The following WDR25 variants were observed in gnomAD, a reference collection of about 807,000 sequenced individuals.
The protein encoded by WDR25 is WD repeat-containing protein 25.
Under a neutral mutation model 47.7 loss-of-function variants are expected in WDR25, and 35 were observed. The ratio of observed to expected loss-of-function variants is 0.73; its 90% CI spans 0.56 to 0.97. The LOEUF (loss-of-function observed/expected upper bound fraction) is 0.97, where lower values mean the gene tolerates loss of function less well. Ranked by LOEUF, WDR25 falls within the 50% of genes least tolerant of loss-of-function variation. The probability of loss-of-function intolerance (pLI) is 0.00; values close to 1 mark genes in which losing one functional copy is unlikely to be tolerated. For synonymous variants in WDR25, 248 were observed against 278.9 expected (o/e 0.89, Z 1.10); for missense variants, 634 against 704.7 (o/e 0.90, Z 1.14).
At chr14:100,510,564 C>T (rs1253552669) in intron 4 of WDR25, among the ~76,000 whole-genome samples, 2 of 151,414 alleles carry the variant, frequency 1.3e-5, no homozygotes, top group Admixed American at 6.6e-5. Context: ...GGTGAAACCC[C>T]GTCTCTACTA....
intron 2 of WDR25, among the ~76,000 whole-genome samples, chr14:100,446,880 T>C (rs931838589): frequency 6.6e-6 from 1 of 152,190 alleles, no homozygotes; most frequent in Non-Finnish European, 1.5e-5. Context: ...TTCCTGGCTG[T>C]TAGTTACATG....
chr14:100,398,592 C>T (rs1897310402), intron 2 of WDR25, among the ~76,000 whole-genome samples: 1 of 151,714 alleles, frequency 6.6e-6, no homozygotes, highest in Admixed American at 6.6e-5. Flanking sequence ...CTTGCATAAC[C>T]TGGTGCATTT....
In WDR25 at chr14:100,420,874, C is replaced by T. The variant is rs934822070; in HGVS notation, c.822+39128C>T. ...GACCCAGGTGAAGCCATGCTGTGAG[C>T]GACCCTGGCTGTTTGCATCTTTCTG... On this transcript the variant is annotated intron_variant, in intron 2 of 6. Transcript: ENST00000402312. Among the ~76,000 whole-genome samples the T allele has an allele frequency of 5.9e-5, 9 of 152,092 alleles. No individual in the cohort carries two copies. In the South Asian group the frequency reaches 8.3e-4, roughly 14 times the overall value.
intron 2 of WDR25, among the ~76,000 whole-genome samples, chr14:100,447,839 A>G (rs2140258364): frequency 6.6e-6 from 1 of 152,306 alleles, no homozygotes; most frequent in South Asian, 2.1e-4. Flanking sequence ...AAAATGGTCA[A>G]GTTCAAGGCC....
chr14:100,413,961 A>G (rs1897790674), intron 2 of WDR25, among the ~76,000 whole-genome samples: 3 of 149,424 alleles, frequency 2.0e-5, no homozygotes. Context: ...TGATGGACAC[A>G]TTTGATTTGT....
In WDR25 at chr14:100,381,688, G is replaced by T; in HGVS notation, c.764G>T (p.Cys255Phe). The T allele has an allele frequency of 6.2e-7, 1 of 1,613,332 alleles. No homozygotes were observed. Among genetic ancestry groups the T allele is most frequent in the Non-Finnish European group, 8.5e-7 (1 of 1,179,752 alleles). The change falls in exon 2 of 7, where the codon TGT becomes TTT. Residue 255 changes from cysteine to phenylalanine, a missense_variant. Transcript: ENST00000402312. ...HRGPVNTIQW[C>F]PVLSKSHMLL... Reference sequence around the variant, plus strand: ...GGCCCTGTCAACACCATTCAGTGGTGTCCAGTCCTTTCTAAGAGCCACATG... The same window carrying T: ...GGCCCTGTCAACACCATTCAGTGGTTTCCAGTCCTTTCTAAGAGCCACATG...
At chr14:100,517,106 G>GTTTTTTTTTTT (rs796096587) in intron 4 of WDR25, among the ~76,000 whole-genome samples, 1 of 65,878 alleles carries the variant, frequency 1.5e-5, no homozygotes, top group African/African-American at 7.2e-5. Flanking sequence ...TATCTCCTCT[G>GTTTTTTTTTTT]TTTTTTTTTT....
intron 2 of WDR25, among the ~76,000 whole-genome samples, chr14:100,427,051 A>C (rs73347376): frequency 6.6e-6 from 1 of 151,950 alleles, no homozygotes; most frequent in Non-Finnish European, 1.5e-5. Context: ...CGGTCCATCA[A>C]TGTGTCTTCC....
intron 3 of WDR25, among the ~76,000 whole-genome samples, chr14:100,483,394 C>G (rs1011977238): frequency 6.6e-6 from 1 of 152,310 alleles, no homozygotes; most frequent in Non-Finnish European, 1.5e-5. Context: ...GTGAGACCCC[C>G]AATGGCCCAC....
intron 2 of WDR25, among the ~76,000 whole-genome samples, chr14:100,465,813 C>T (rs905685729): frequency 2.6e-5 from 4 of 152,198 alleles, no homozygotes; most frequent in Non-Finnish European, 5.9e-5. Context: ...CACCATTTGA[C>T]ATGCCCACCA....
chr14:100,461,946 G>A (rs1899428863), intron 2 of WDR25, among the ~76,000 whole-genome samples: 1 of 151,386 alleles, frequency 6.6e-6, no homozygotes, highest in Admixed American at 6.6e-5. Context: ...TTTGGGCAGA[G>A]CACACATATT....
chr14:100,447,792 C>T (rs1380633422), intron 2 of WDR25, among the ~76,000 whole-genome samples: 1 of 152,344 alleles, frequency 6.6e-6, no homozygotes, highest in South Asian at 2.1e-4. Flanking sequence ...GCTGTTAAAT[C>T]CTCTTGCTGT....
At chr14:100,393,665 C>T (rs1595495598) in intron 2 of WDR25, among the ~76,000 whole-genome samples, 3 of 152,232 alleles carry the variant, frequency 2.0e-5, no homozygotes, top group East Asian at 3.9e-4. Context: ...CTGGGCAACT[C>T]GGGCAGTAGA....
chr14:100,380,135 C>T (rs1460449363), intron 1 of WDR25, among the ~76,000 whole-genome samples: 1 of 151,738 alleles, frequency 6.6e-6, no homozygotes. Flanking sequence ...GCAACCTCCA[C>T]CTCCTGGGTT....
At position 100,394,411 on chromosome 14, in the gene WDR25, C is replaced by T. The variant is rs544756323; in HGVS notation, c.822+12665C>T. On this transcript the variant is annotated intron_variant, in intron 2 of 6. Transcript: ENST00000402312. ...CTGTGTGGCCTGTGAATTCCTCGGGCCTTGCTTTATGCTGTCTCTGCTGTG... is the reference window on the plus strand; with the variant it reads ...CTGTGTGGCCTGTGAATTCCTCGGGTCTTGCTTTATGCTGTCTCTGCTGTG... 6.6e-5 allele frequency among the ~76,000 whole-genome samples: 10 copies of T among 152,254 alleles called. 1 individual carries two copies. Among genetic ancestry groups the T allele is most frequent in the African/African-American group, 2.4e-4 (10 of 41,550 alleles).
At chr14:100,490,086 C>T (rs1261835655) in intron 4 of WDR25, among the ~76,000 whole-genome samples, 3 of 152,240 alleles carry the variant, frequency 2.0e-5, no homozygotes, top group Middle Eastern at 6.3e-3. Context: ...TCTGCAGGCA[C>T]GTGTCCTAAC....
In WDR25 at chr14:100,424,759, C is replaced by T. The variant is rs959053230; in HGVS notation, c.822+43013C>T. ...GGTTCCTTTCAGCAGCAGTGGCAGC[C>T]GTGACCACCTACTATGGACCAGCTT... On this transcript the variant is annotated intron_variant, in intron 2 of 6. Transcript: ENST00000402312. The surrounding 1 kb of genome is among the most constrained non-coding windows in gnomAD (Gnocchi z 4.2). 2.6e-5 allele frequency among the ~76,000 whole-genome samples: 4 copies of T among 152,184 alleles called. No homozygotes were observed. The highest frequency in any genetic ancestry group is 7.2e-5 in the African/African-American group (3 of 41,432).
intron 2 of WDR25, among the ~76,000 whole-genome samples, chr14:100,402,876 T>C (rs534431418): frequency 6.6e-6 from 1 of 152,162 alleles, no homozygotes; most frequent in South Asian, 2.1e-4. Flanking sequence ...TAAAATGCCA[T>C]AGGGATGAGA....
At position 100,378,678 on chromosome 14, in the gene WDR25, G is replaced by A. The variant is rs565343579; in HGVS notation, c.-16+2183G>A. Among the ~76,000 whole-genome samples the A allele has an allele frequency of 5.3e-3, 135 of 25,652 alleles. 24 individuals carry two copies. The highest frequency in any genetic ancestry group is 1.0e-2 in the African/African-American group (132 of 13,240). 16.8% of individuals were successfully genotyped at this position (25,652 alleles called of 152,430 possible). ...CCTGGGGGAAGAATGTTCCAGGCAG[G>A]CCGGGCGCGGTGGCTCACGCCTGTA... On this transcript the variant is annotated intron_variant, in intron 1 of 6. Transcript: ENST00000402312.
Sources: gnomAD v4.1 joint callset for allele counts (sites outside exome capture counted in the v4.1 genomes callset) on GRCh38, gnomAD v4.1.1 for gene constraint, Gnocchi (gnomAD v3.1) non-coding constraint, MANE v1.5 for transcripts, NCBI Gene and HGNC (gene_info 2026-07-23, HGNC 2026-07-21) for gene names.